Variants in ANK2 observed in about 807,000 individuals in gnomAD.
The protein encoded by ANK2 is ankyrin-2.
In ANK2, 83 loss-of-function variants were observed where a neutral mutation model predicts 360.5. The ratio of observed to expected loss-of-function variants is 0.23; its 90% confidence interval spans 0.19 to 0.28. The LOEUF is 0.28. Ranked by LOEUF, ANK2 falls within the 10% of genes least tolerant of loss-of-function variation. The pLI is 1.00. For synonymous variants in ANK2, 1,740 were observed against 1,759.5 expected (o/e 0.99, Z 0.28); for missense variants, 4,201 against 4,795.7 (o/e 0.88, Z 3.66).
chr4:113,180,335 G>T (rs2098375469), intron 2 of ANK2, among the ~76,000 whole-genome samples: 1 of 152,184 alleles, frequency 6.6e-6, no homozygotes, highest in Admixed American at 6.5e-5. Flanking sequence ...TGAAGTTTTA[G>T]GGTTGTTTTG....
intron 24 of ANK2, among the ~76,000 whole-genome samples, chr4:113,314,855 C>T (rs904820666): frequency 2.6e-5 from 4 of 152,078 alleles, no homozygotes; most frequent in African/African-American, 9.7e-5. Flanking sequence ...GATTAAACAA[C>T]CAATTAGTAT....
chr4:112,790,707 C>T, the ANK2 span, among the ~76,000 whole-genome samples: 4 of 152,028 alleles, frequency 2.6e-5, no homozygotes, highest in Admixed American at 6.6e-5. Flanking sequence ...AGGCTGGTCT[C>T]GAACTCCTGG....
rs573190671 is a variant in ANK2, at chr4:113,296,122, C to T, written c.2475+2584C>T. ...GTTGTCGGGTTTTAAAGCCCATGTT[C>T]TTAACCTTTCTGATATAACTGACTT... On this transcript the variant is annotated intron_variant, in intron 22 of 45. Coordinates refer to ENST00000357077, the MANE Select transcript of ANK2 (RefSeq NM_001148.6). Among the ~76,000 whole-genome samples the T allele has an allele frequency of 2.6e-5, 4 of 152,210 alleles. No individual in the cohort carries two copies. The South Asian group carries it at 8.3e-4, about 32-fold the overall frequency.
rs200885271 is a variant in ANK2, at chr4:112,850,249, C to CATCTATCTATCT, written c.-40+32027_-40+32038dup. On this transcript the variant is annotated intron_variant, in intron 1 of 30. Transcript: ENST00000503271. ...GTGAACCAGTTTCCATAAGAAATTT[C>CATCTATCTATCT]ATCTATCTATCTATCTATCTATCTA... is the stretch of plus-strand genomic sequence containing the variant. Among the ~76,000 whole-genome samples, 208 of 139,350 alleles carry CATCTATCTATCT rather than the reference C, an allele frequency of 1.5e-3. 1 individual carries two copies. The highest frequency in any genetic ancestry group is 1.9e-3 in the Non-Finnish European group (125 of 64,618). The allele number at this position is 139,350 out of a possible 152,430, so 91.4% of individuals were successfully genotyped here. A position where few individuals can be genotyped will look rare whatever the true frequency, so the allele number is the denominator to read the frequency against.
chr4:113,036,433 C>G (rs758062873), intron 2 of ANK2, among the ~76,000 whole-genome samples: 9 of 151,856 alleles, frequency 5.9e-5, no homozygotes, highest in Non-Finnish European at 1.3e-4. Flanking sequence ...CAGTTAAGGA[C>G]AGCATGAGGC....
At chr4:113,177,353 T>G (rs1407422372) in intron 2 of ANK2, among the ~76,000 whole-genome samples, 1 of 152,230 alleles carries the variant, frequency 6.6e-6, no homozygotes, top group Non-Finnish European at 1.5e-5. Context: ...GTGCTGGGAT[T>G]ACAGGCGTGA....
intron 3 of ANK2, among the ~76,000 whole-genome samples, chr4:113,196,942 G>A (rs1371937536): frequency 6.6e-6 from 1 of 152,092 alleles, no homozygotes; most frequent in Admixed American, 6.5e-5. Flanking sequence ...TTTCATTTAA[G>A]GACTTATGGG....
intron 2 of ANK2, among the ~76,000 whole-genome samples, chr4:113,015,645 A>G (rs534974118): frequency 9.0e-4 from 137 of 152,324 alleles, no homozygotes; most frequent in African/African-American, 3.1e-3. Context: ...TTTCCATGCA[A>G]ACTTCGTGGT....
the ANK2 span, among the ~76,000 whole-genome samples, chr4:112,716,870 C>A: frequency 1.3e-5 from 2 of 152,056 alleles, no homozygotes; most frequent in Non-Finnish European, 2.9e-5. Context: ...CACTGCAACC[C>A]CCCTTTCCCC....
chr4:112,936,438 G>A (rs1035664185), intron 2 of ANK2, among the ~76,000 whole-genome samples: 2 of 151,508 alleles, frequency 1.3e-5, no homozygotes, highest in South Asian at 2.1e-4. Flanking sequence ...CTCCGCCTCC[G>A]GCGTTCAAGC....
At chr4:112,879,128 A>G (rs2076018888) in intron 1 of ANK2, among the ~76,000 whole-genome samples, 1 of 151,948 alleles carries the variant, frequency 6.6e-6, no homozygotes, top group South Asian at 2.1e-4. Flanking sequence ...AAACAAAACA[A>G]AAAACAAAAA....
chr4:113,226,839 T>A (rs114711370), intron 4 of ANK2, among the ~76,000 whole-genome samples: 1,797 of 152,314 alleles, frequency 0.012, 17 homozygotes, highest in Middle Eastern at 0.024. Context: ...AGAACTACTG[T>A]AACAACTGGT....
intron 1 of ANK2, among the ~76,000 whole-genome samples, chr4:112,893,872 C>T (rs1317343714): frequency 6.6e-6 from 1 of 152,200 alleles, no homozygotes; most frequent in Non-Finnish European, 1.5e-5. Flanking sequence ...CGGCATGCAC[C>T]TGTAGTCCCA....
At chr4:112,922,001 C>A (rs1455068041) in intron 2 of ANK2, among the ~76,000 whole-genome samples, 1 of 152,104 alleles carries the variant, frequency 6.6e-6, no homozygotes, top group Non-Finnish European at 1.5e-5. Flanking sequence ...GACCTATTTC[C>A]TGAGTTGTTA....
At chr4:112,729,197 A>AAAAC in the ANK2 span, among the ~76,000 whole-genome samples, 20 of 151,640 alleles carry the variant, frequency 1.3e-4, no homozygotes, top group African/African-American at 4.1e-4. Flanking sequence ...GATCTCTCTC[A>AAAAC]AAACAAACAA....
chr4:112,930,806 T>A (rs1164048886), intron 2 of ANK2, among the ~76,000 whole-genome samples: 1 of 149,690 alleles, frequency 6.7e-6, no homozygotes, highest in African/African-American at 2.5e-5. Context: ...GAGAATCCCT[T>A]GAACCCAGGA....
At chr4:113,312,449 G>A (rs2080555235) in intron 24 of ANK2, among the ~76,000 whole-genome samples, 1 of 151,898 alleles carries the variant, frequency 6.6e-6, no homozygotes, top group Admixed American at 6.6e-5. Flanking sequence ...TGAATAATTA[G>A]CAAAAACAAA....
chr4:113,150,659 T>C (rs2097033229), intron 1 of ANK2, among the ~76,000 whole-genome samples: 1 of 152,188 alleles, frequency 6.6e-6, no homozygotes, highest in Non-Finnish European at 1.5e-5. Context: ...TATAGAGTAC[T>C]TCAGGATGAC....
At chr4:113,048,702 C>A (rs150192167), upstream of ANK2, among the ~76,000 whole-genome samples, 1 of 151,618 alleles carries the variant, frequency 6.6e-6, no homozygotes, top group Non-Finnish European at 1.5e-5. Flanking sequence ...TAGTATACAC[C>A]CCTTGAGAGG....
Sources: gnomAD v4.1 joint callset for allele counts (sites outside exome capture counted in the v4.1 genomes callset) on GRCh38, gnomAD v4.1.1 for gene constraint, MANE v1.5 for transcripts, NCBI Gene and HGNC (gene_info 2026-07-23, HGNC 2026-07-21) for gene names.